NSRP1: variants seen among roughly 807,000 people sequenced by gnomAD.
NSRP1 encodes the protein coiled-coil domain containing 55.
A neutral mutation model predicts 54.7 loss-of-function variants in NSRP1; 24 were observed. That is an observed-to-expected ratio of 0.44 (90% CI 0.32 to 0.62). NSRP1 has a LOEUF of 0.62. NSRP1 is among the 20% of genes least tolerant of loss of function. The pLI, the probability that NSRP1 is intolerant of heterozygous loss-of-function variation, is 0.06. For synonymous variants in NSRP1, 210 were observed against 213.8 expected (o/e 0.98, Z 0.15); for missense variants, 596 against 651.2 (o/e 0.92, Z 0.92).
At chr17:30,140,784 G>T (rs573804397) in intron 2 of NSRP1, among the ~76,000 whole-genome samples, 22 of 152,024 alleles carry the variant, frequency 1.4e-4, no homozygotes, top group African/African-American at 4.6e-4. Flanking sequence ...CTCCTTGGCC[G>T]CCCAAAGTGG....
At chr17:30,142,280 A>ATGTTAAATATGTAAAGACTCATTACTTT (rs2071812404) in intron 2 of NSRP1, among the ~76,000 whole-genome samples, 1 of 152,110 alleles carries the variant, frequency 6.6e-6, no homozygotes, top group Non-Finnish European at 1.5e-5. Flanking sequence ...TTTCAAAACT[A>ATGTTAAATATGTAAAGACTCATTACTTT]TGTTAAATAT....
At chr17:30,165,753 G>A (rs548319981) in intron 2 of NSRP1, among the ~76,000 whole-genome samples, 1 of 152,274 alleles carries the variant, frequency 6.6e-6, no homozygotes, top group South Asian at 2.1e-4. Flanking sequence ...GGATTCAAAT[G>A]TATGCATCCT....
rs546120511 is a variant in NSRP1, at chr17:30,122,220, T to C, written c.114+4047T>C. On this transcript the variant is annotated intron_variant, in intron 2 of 6. Coordinates refer to ENST00000247026, the MANE Select transcript of NSRP1 (RefSeq NM_032141.4). The stretch of plus-strand genomic sequence containing the variant: ...TGGTAGGCATTTGGGTTTTTCCCAA[T>C]TTCTGGCAATAATGCTGCTATAAAT... Among the ~76,000 whole-genome samples the C allele has an allele frequency of 1.7e-4, 25 of 151,006 alleles. 1 individual carries two copies. Among genetic ancestry groups the C allele is most frequent in the African/African-American group, 6.1e-4 (25 of 41,252 alleles).
intron 2 of NSRP1, among the ~76,000 whole-genome samples, chr17:30,131,584 A>C (rs1020538725): frequency 2.0e-5 from 3 of 152,194 alleles, no homozygotes; most frequent in Admixed American, 6.5e-5. Flanking sequence ...AAAATACTTT[A>C]TGCTAAAAAA....
At chr17:30,124,320 A>G (rs2071631684) in intron 2 of NSRP1, among the ~76,000 whole-genome samples, 2 of 152,196 alleles carry the variant, frequency 1.3e-5, no homozygotes, top group African/African-American at 4.8e-5. Context: ...TTTGAGAAGG[A>G]TGGGTTTACA....
chr17:30,175,560 A>G (rs1392693687), intron 3 of NSRP1, among the ~76,000 whole-genome samples: 1 of 151,858 alleles, frequency 6.6e-6, no homozygotes, highest in Admixed American at 6.6e-5. Context: ...TAGCCTCCTG[A>G]TAGCTGGGAT....
At chr17:30,176,027 G>C (rs1350141346) in intron 3 of NSRP1, among the ~76,000 whole-genome samples, 1 of 151,184 alleles carries the variant, frequency 6.6e-6, no homozygotes, top group Non-Finnish European at 1.5e-5. Flanking sequence ...AAAGAAAAAA[G>C]AAAATGTTCT....
Position 30,185,753 on chromosome 17 carries a change from G to A in NSRP1, c.*79G>A, listed in dbSNP as rs1905514011. On this transcript the variant is annotated 3_prime_UTR_variant, in exon 7 of 7. Coordinates refer to ENST00000247026, the MANE Select transcript of NSRP1 (RefSeq NM_032141.4). The stretch of plus-strand genomic sequence containing the variant: ...ACCTGCTGCGTAAAACCATAAAGGA[G>A]TGTGTTACCAGTAGTTTGGAGGGCA... 7.1e-7 allele frequency: 1 copy of A among 1,416,374 alleles called. No individual in the cohort carries two copies. Among genetic ancestry groups the A allele is most frequent in the Non-Finnish European group, 9.4e-7 (1 of 1,061,154 alleles). The allele number at this position is 1,416,374 out of a possible 1,614,324, so 87.7% of individuals were successfully genotyped here. A position where few individuals can be genotyped will look rare whatever the true frequency, so the allele number is the denominator to read the frequency against.
chr17:30,126,832 C>T (rs2071654349), intron 2 of NSRP1, among the ~76,000 whole-genome samples: 3 of 152,192 alleles, frequency 2.0e-5, no homozygotes, highest in Admixed American at 6.5e-5. Flanking sequence ...CAAAGTAAAA[C>T]GCCCACCTTG....
At position 30,138,923 on chromosome 17, in the gene NSRP1, T is replaced by TTTG. The variant is rs1462867516; in HGVS notation, c.114+20752_114+20753insGTT. ...CAAGTCTTAGCGTTTTTTTTTTTTT[T>TTTG]TTTTTTTTTTTTGAGATGGAGTCTC... On this transcript the variant is annotated intron_variant, in intron 2 of 6. Transcript: ENST00000247026. Among the ~76,000 whole-genome samples the TTTG allele has an allele frequency of 2.3e-5, 3 of 131,230 alleles. 1 individual carries two copies. The highest frequency in any genetic ancestry group is 5.0e-5 in the Non-Finnish European group (3 of 59,704). 86.1% of individuals were successfully genotyped at this position (131,230 alleles called of 152,430 possible). A position where few individuals can be genotyped will look rare whatever the true frequency, so the allele number is the denominator to read the frequency against.
At chr17:30,166,755 T>C (rs1904742229) in intron 2 of NSRP1, among the ~76,000 whole-genome samples, 1 of 152,044 alleles carries the variant, frequency 6.6e-6, no homozygotes, top group Non-Finnish European at 1.5e-5. Context: ...GAACCCCATC[T>C]CTACTAAAAA....
chr17:30,150,451 C>CGGCTCACT (rs2071896476), intron 2 of NSRP1: 1 of 151,966 alleles, frequency 6.6e-6, no homozygotes, highest in African/African-American at 2.4e-5. Flanking sequence ...GGCGCAATCT[C>CGGCTCACT]GGCTCACTGC....
intron 6 of NSRP1, among the ~76,000 whole-genome samples, chr17:30,182,191 G>A (rs956366577): frequency 6.6e-6 from 1 of 151,506 alleles, no homozygotes; most frequent in Non-Finnish European, 1.5e-5. Context: ...TACAATATAA[G>A]TCTTATATAC....
At chr17:30,170,569 CATA>C (rs1389757556) in intron 2 of NSRP1, among the ~76,000 whole-genome samples, 1 of 152,168 alleles carries the variant, frequency 6.6e-6, no homozygotes, top group Non-Finnish European at 1.5e-5. Flanking sequence ...TACCATGTAG[CATA>C]ATGTCCTCCA....
chr17:30,158,974 A>G (rs954015731), intron 2 of NSRP1, among the ~76,000 whole-genome samples: 8 of 152,188 alleles, frequency 5.3e-5, no homozygotes, highest in Admixed American at 5.2e-4. Context: ...AAATTTTAGA[A>G]TTGTTTGTTC....
chr17:30,149,834 C>CA (rs773066888), intron 2 of NSRP1, among the ~76,000 whole-genome samples: 41,937 of 98,556 alleles, frequency 0.43, 9,171 homozygotes, highest in East Asian at 0.81. Context: ...GACCCTGTCT[C>CA]AAAAAAAAAA....
At chr17:30,138,919 T>G (rs898990582) in intron 2 of NSRP1, among the ~76,000 whole-genome samples, 2 of 132,404 alleles carry the variant, frequency 1.5e-5, no homozygotes, top group South Asian at 2.8e-4. Flanking sequence ...GTTTTTTTTT[T>G]TTTTTTTTTT....
intron 3 of NSRP1, among the ~76,000 whole-genome samples, chr17:30,176,828 A>G (rs1382489747): frequency 6.6e-6 from 1 of 152,144 alleles, no homozygotes; most frequent in Non-Finnish European, 1.5e-5. Context: ...ATTTTAAACA[A>G]TATTCTAGAA....
At chr17:30,120,146 G>A (rs2071584007) in intron 2 of NSRP1, among the ~76,000 whole-genome samples, 2 of 152,120 alleles carry the variant, frequency 1.3e-5, no homozygotes, top group African/African-American at 4.8e-5. Flanking sequence ...AAATCATACA[G>A]TATGTACTCT....
Sources: gnomAD v4.1 joint callset for allele counts (sites outside exome capture counted in the v4.1 genomes callset) on GRCh38, gnomAD v4.1.1 for gene constraint, MANE v1.5 for transcripts, NCBI Gene and HGNC (gene_info 2026-07-23, HGNC 2026-07-21) for gene names.